GPM6A: variants seen among roughly 807,000 people sequenced by gnomAD.
GPM6A encodes the protein glycoprotein M6A, also known as neuronal membrane glycoprotein M6-a.
A neutral mutation model predicts 32.1 loss-of-function variants in GPM6A; 7 were observed. The observed-to-expected ratio is 0.22, with a 90% CI of 0.12 to 0.41. The LOEUF is 0.41. Ranked by LOEUF, GPM6A falls within the 10% of genes least tolerant of loss-of-function variation. GPM6A has a pLI of 1.00. For synonymous variants in GPM6A, 130 were observed against 123.4 expected (o/e 1.05, Z -0.35); for missense variants, 235 against 347.2 (o/e 0.68, Z 2.57).
intron 1 of GPM6A, among the ~76,000 whole-genome samples, chr4:175,937,677 G>A (rs1285683567): frequency 1.3e-5 from 2 of 152,038 alleles, no homozygotes; most frequent in Admixed American, 6.6e-5. Context: ...AATGTTGTAA[G>A]GATATGAAGG....
At position 175,640,124 on chromosome 4, in the gene GPM6A, C is replaced by G; in HGVS notation, c.684+5G>C. 6.2e-7 allele frequency: 1 copy of G among 1,609,918 alleles called. No individual in the cohort carries two copies. The highest frequency in any genetic ancestry group is 8.5e-7 in the Non-Finnish European group (1 of 1,176,254). On this transcript the variant is annotated splice_donor_5th_base_variant and intron_variant, in intron 6 of 6. Coordinates refer to ENST00000393658, the MANE Select transcript of GPM6A (RefSeq NM_201591.3). Reference sequence around the variant, plus strand: ...AAACCAAGCACCAGCGCTTTGAGGTCTTACCATAGCAATGACTGCTGCCCC... The same window carrying G: ...AAACCAAGCACCAGCGCTTTGAGGTGTTACCATAGCAATGACTGCTGCCCC...
Position 175,751,782 on chromosome 4 carries a change from G to C in GPM6A, c.38-50015C>G, listed in dbSNP as rs781594689. ...GTTGTTGTTGTTTGTTTTTTGGTTT[G>C]TTTGTTTGTTTTACAATTCAAGGAA... On this transcript the variant is annotated intron_variant, in intron 1 of 6. Transcript: ENST00000393658. Among the ~76,000 whole-genome samples the C allele has an allele frequency of 3.3e-5, 5 of 150,844 alleles. No individual in the cohort carries two copies. In the East Asian group the frequency reaches 9.7e-4, roughly 29 times the overall value.
chr4:175,916,818 C>G (rs1738508835), intron 1 of GPM6A, among the ~76,000 whole-genome samples: 1 of 152,194 alleles, frequency 6.6e-6, no homozygotes, highest in South Asian at 2.1e-4. Context: ...TCCCATGACA[C>G]TCCCCAAGCC....
intron 6 of GPM6A, among the ~76,000 whole-genome samples, chr4:175,636,164 A>G (rs1159917211): frequency 6.7e-6 from 1 of 149,918 alleles, no homozygotes; most frequent in Non-Finnish European, 1.5e-5. Context: ...GAAGTTTAGC[A>G]TTTTGTTTAA....
At chr4:175,961,986 C>A in intron 1 of GPM6A, 1 of 538,196 alleles carries the variant, frequency 1.9e-6, no homozygotes, top group Non-Finnish European at 3.4e-6. Flanking sequence ...CAATAGGGCT[C>A]TTGTATATTA....
At chr4:175,816,928 C>G (rs1366783193), upstream of GPM6A, among the ~76,000 whole-genome samples, 1 of 151,948 alleles carries the variant, frequency 6.6e-6, no homozygotes, top group East Asian at 1.9e-4. Flanking sequence ...GGCGCGGTCT[C>G]GGCTCACTGC....
chr4:175,812,311 T>TTTTG, upstream of GPM6A: 3 of 1,152,058 alleles, frequency 2.6e-6, no homozygotes, highest in Non-Finnish European at 3.3e-6. Context: ...GTTTTTTTTT[T>TTTTG]TTTTTTTTTT....
chr4:175,985,564 G>T (rs577155399), intron 1 of GPM6A, among the ~76,000 whole-genome samples: 3 of 152,080 alleles, frequency 2.0e-5, no homozygotes, highest in Admixed American at 6.6e-5. Context: ...TTTCTTTTCT[G>T]ATTGCTCTGA....
chr4:175,674,081 T>C (rs1743230924), intron 2 of GPM6A, among the ~76,000 whole-genome samples: 1 of 152,240 alleles, frequency 6.6e-6, no homozygotes, highest in Non-Finnish European at 1.5e-5. Flanking sequence ...TTTCTTCTTC[T>C]TTTCTAACTT....
At chr4:175,845,298 T>C (rs992179718) in intron 1 of GPM6A, among the ~76,000 whole-genome samples, 1 of 152,062 alleles carries the variant, frequency 6.6e-6, no homozygotes, top group Non-Finnish European at 1.5e-5. Context: ...CAAGTTGCCA[T>C]AGTAGACAAT....
intron 1 of GPM6A, among the ~76,000 whole-genome samples, chr4:175,777,137 C>T (rs563623959): frequency 6.6e-6 from 1 of 152,150 alleles, no homozygotes; most frequent in Admixed American, 6.6e-5. Context: ...GTGAGGTATA[C>T]TGTTGTTATG....
chr4:176,001,926 G>C (rs1741494619), intron 1 of GPM6A, among the ~76,000 whole-genome samples: 1 of 152,114 alleles, frequency 6.6e-6, no homozygotes, highest in Admixed American at 6.5e-5. Flanking sequence ...CCCTGTAATC[G>C]CCTCGCTATT....
At chr4:175,686,945 AG>A (rs1744014477) in intron 2 of GPM6A, among the ~76,000 whole-genome samples, 1 of 152,350 alleles carries the variant, frequency 6.6e-6, no homozygotes, top group Non-Finnish European at 1.5e-5. Flanking sequence ...AATTTTAAAA[AG>A]TAAGAAATGC....
intron 1 of GPM6A, among the ~76,000 whole-genome samples, chr4:175,864,164 A>G (rs1373971901): frequency 2.0e-5 from 3 of 152,046 alleles, no homozygotes; most frequent in Non-Finnish European, 4.4e-5. Flanking sequence ...TTCATGTGCC[A>G]TTTGTTTTTG....
chr4:175,912,445 A>G (rs1579620532), intron 1 of GPM6A, among the ~76,000 whole-genome samples: 2 of 152,248 alleles, frequency 1.3e-5, no homozygotes, highest in African/African-American at 4.8e-5. Flanking sequence ...ACCTGAGGTC[A>G]GGAGTTCGAG....
At chr4:175,642,904 G>A (rs1394132204) in intron 4 of GPM6A, among the ~76,000 whole-genome samples, 1 of 151,998 alleles carries the variant, frequency 6.6e-6, no homozygotes, top group Non-Finnish European at 1.5e-5. Context: ...AAAAACTTCT[G>A]CTCTTCTCCT....
At chr4:175,920,424 C>A (rs1218291636) in intron 1 of GPM6A, among the ~76,000 whole-genome samples, 1 of 152,158 alleles carries the variant, frequency 6.6e-6, no homozygotes, top group Admixed American at 6.5e-5. Context: ...ATGCATACAG[C>A]AAGCACTCAA....
At chr4:175,925,032 G>A (rs1157163867) in intron 1 of GPM6A, among the ~76,000 whole-genome samples, 1 of 152,124 alleles carries the variant, frequency 6.6e-6, no homozygotes, top group Non-Finnish European at 1.5e-5. Flanking sequence ...TTTATCATCT[G>A]AGAGAAATTA....
At chr4:175,987,350 C>T (rs1022777462) in intron 1 of GPM6A, among the ~76,000 whole-genome samples, 3 of 152,080 alleles carry the variant, frequency 2.0e-5, no homozygotes, top group Non-Finnish European at 4.4e-5. Flanking sequence ...AAATGATCAG[C>T]TTATTCCTAA....
Sources: allele counts gnomAD v4.1 joint callset (sites outside exome capture counted in the v4.1 genomes callset), GRCh38; gene constraint gnomAD v4.1.1; transcripts MANE v1.5; gene names NCBI Gene and HGNC (gene_info 2026-07-23, HGNC 2026-07-21).